Variants in LRRC49 observed in about 807,000 individuals in gnomAD.
LRRC49 encodes leucine rich repeat containing 49.
In LRRC49, 50 loss-of-function variants were observed where a neutral mutation model predicts 83.3. The ratio of observed to expected loss-of-function variants is 0.60; its 90% confidence interval spans 0.48 to 0.76. The LOEUF is 0.76. Ranked by LOEUF, LRRC49 falls within the 30% of genes least tolerant of loss-of-function variation. The pLI is 0.00. For synonymous variants in LRRC49, 286 were observed against 283.3 expected (o/e 1.01, Z -0.10); for missense variants, 704 against 809.1 (o/e 0.87, Z 1.58).
intron 8 of LRRC49, among the ~76,000 whole-genome samples, chr15:70,953,074 C>T (rs2036277268): frequency 6.6e-6 from 1 of 152,092 alleles, no homozygotes; most frequent in African/African-American, 2.4e-5. Flanking sequence ...GTTTGTGCTT[C>T]TTTATCTAAC....
At chr15:70,866,264 A>G (rs2032910076) in intron 1 of LRRC49, among the ~76,000 whole-genome samples, 1 of 152,036 alleles carries the variant, frequency 6.6e-6, no homozygotes, top group South Asian at 2.1e-4. Context: ...CTCCTGCCTC[A>G]GCCTCCTAAG....
chr15:70,976,984 C>G (rs1167576211), intron 9 of LRRC49, among the ~76,000 whole-genome samples: 2 of 152,006 alleles, frequency 1.3e-5, no homozygotes, highest in Middle Eastern at 6.3e-3. Flanking sequence ...CTTTTAAGCC[C>G]TACTGCCTTT....
In LRRC49 at chr15:70,988,726, T is replaced by C. The variant is rs1361273235; in HGVS notation, c.1169+4469T>C. ...CTCATTAGTTGATGCAGTTTCTTCC[T>C]AGTCTCGATGGCCTTTACAATTTGG... is the stretch of plus-strand genomic sequence containing the variant. On this transcript the variant is annotated intron_variant, in intron 11 of 15. Coordinates refer to ENST00000260382, the MANE Select transcript of LRRC49 (RefSeq NM_017691.5). 3.9e-5 allele frequency among the ~76,000 whole-genome samples: 6 copies of C among 152,346 alleles called. No homozygotes were observed. The East Asian group carries it at 9.6e-4, about 24-fold the overall frequency.
intron 7 of LRRC49, among the ~76,000 whole-genome samples, chr15:70,929,269 A>G (rs1053679146): frequency 1.3e-5 from 2 of 152,234 alleles, no homozygotes; most frequent in African/African-American, 4.8e-5. Flanking sequence ...AAGCAAATGT[A>G]GGAATAAATG....
At chr15:70,928,789 T>C (rs1386579445) in intron 7 of LRRC49, among the ~76,000 whole-genome samples, 1 of 152,154 alleles carries the variant, frequency 6.6e-6, no homozygotes, top group Non-Finnish European at 1.5e-5. Context: ...GGTCTCGAAC[T>C]CCTGATCTCA....
intron 3 of LRRC49, among the ~76,000 whole-genome samples, chr15:70,898,037 C>T (rs1008327696): frequency 2.0e-5 from 3 of 152,116 alleles, no homozygotes; most frequent in South Asian, 2.1e-4. Flanking sequence ...AAGACATGGC[C>T]GAGTGGACAC....
upstream of LRRC49, chr15:70,892,293 G>C (rs1280997837): frequency 1.9e-6 from 3 of 1,552,284 alleles, no homozygotes; most frequent in Non-Finnish European, 2.6e-6. Flanking sequence ...TTCGGTGCGC[G>C]GGAGCCGGGT....
At chr15:70,981,956 A>G (rs1273173572) in intron 10 of LRRC49, among the ~76,000 whole-genome samples, 2 of 137,132 alleles carry the variant, frequency 1.5e-5, no homozygotes, top group Non-Finnish European at 1.5e-5. Context: ...CTGGCCAGCC[A>G]TTAATCCCCA....
chr15:70,932,885 G>A (rs555867585), intron 7 of LRRC49, among the ~76,000 whole-genome samples: 3 of 151,810 alleles, frequency 2.0e-5, no homozygotes, highest in Non-Finnish European at 2.9e-5. Context: ...ACACGCCTCC[G>A]TGCCTGGCTA....
intron 2 of LRRC49, among the ~76,000 whole-genome samples, chr15:70,886,895 C>G (rs2033424029): frequency 6.6e-6 from 1 of 151,788 alleles, no homozygotes; most frequent in Admixed American, 6.6e-5. Flanking sequence ...GATAAACCAT[C>G]TGGTGAAGCT....
At chr15:70,894,438 T>G in intron 2 of LRRC49, 1 of 339,298 alleles carries the variant, frequency 2.9e-6, no homozygotes. Context: ...GAAGTTACGA[T>G]ATGAATATGA....
chr15:70,932,726 C>CTTTTTTTT (rs5813614), intron 7 of LRRC49, among the ~76,000 whole-genome samples: 4 of 97,202 alleles, frequency 4.1e-5, no homozygotes, highest in Non-Finnish European at 4.1e-5. Flanking sequence ...CTTTCTCTGT[C>CTTTTTTTT]TTTTTTTTTT....
At chr15:70,916,247 G>A (rs1450818101) in intron 6 of LRRC49, among the ~76,000 whole-genome samples, 2 of 152,054 alleles carry the variant, frequency 1.3e-5, no homozygotes, top group African/African-American at 4.8e-5. Flanking sequence ...CCTCTCCTTA[G>A]TGTGCAGCTC....
chr15:71,037,340 T>C lies in LRRC49; in HGVS notation c.1857+8T>C. On this transcript the variant is annotated splice_region_variant and intron_variant, in intron 15 of 15. Coordinates refer to ENST00000260382, the MANE Select transcript of LRRC49 (RefSeq NM_017691.5). ...TATAATGAAAAGCTAGAGGTAAAACTACTGTTAATCTTTGCGATCTAATGC... is the reference window on the plus strand; with the variant it reads ...TATAATGAAAAGCTAGAGGTAAAACCACTGTTAATCTTTGCGATCTAATGC... 1 of 1,589,416 alleles carries C rather than the reference T, an allele frequency of 6.3e-7. No individual in the cohort carries two copies. The highest frequency in any genetic ancestry group is 8.6e-7 in the Non-Finnish European group (1 of 1,169,420).
chr15:70,863,983 C>A (rs1166305563), intron 1 of LRRC49, among the ~76,000 whole-genome samples: 1 of 152,120 alleles, frequency 6.6e-6, no homozygotes, highest in Non-Finnish European at 1.5e-5. Context: ...GACTTTGGTG[C>A]CTGGTGGACA....
At chr15:70,961,611 A>G (rs1222170459) in intron 8 of LRRC49, among the ~76,000 whole-genome samples, 1 of 152,206 alleles carries the variant, frequency 6.6e-6, no homozygotes, top group Non-Finnish European at 1.5e-5. Context: ...CATGGATGAA[A>G]CAAATGCATA....
At position 70,981,891 on chromosome 15, in the gene LRRC49, CTTTTTTTT is replaced by C. The variant is rs11339326; in HGVS notation, c.1005+1720_1005+1727del. ...TTCTCTAACCTTTCTTTTGCTTCTTCTTTTTTTTTTTTTTTTTTTTCCTCCACAGATGC... is the reference window on the plus strand; with the variant it reads ...TTCTCTAACCTTTCTTTTGCTTCTTCTTTTTTTTTTTTCCTCCACAGATGC... On this transcript the variant is annotated intron_variant, in intron 10 of 15. Transcript: ENST00000260382. 6.1e-3 allele frequency among the ~76,000 whole-genome samples: 681 copies of C among 112,080 alleles called. 6 individuals carry two copies. Among genetic ancestry groups the C allele is most frequent in the African/African-American group, 0.021 (662 of 30,958 alleles). The allele number at this position is 112,080 out of a possible 152,430, so 73.5% of individuals were successfully genotyped here. A position where few individuals can be genotyped will look rare whatever the true frequency, so the allele number is the denominator to read the frequency against.
At chr15:71,031,392 C>T (rs1430034814) in intron 14 of LRRC49, among the ~76,000 whole-genome samples, 4 of 152,214 alleles carry the variant, frequency 2.6e-5, no homozygotes, top group Non-Finnish European at 5.9e-5. Context: ...GGGCATTGGC[C>T]TGATGCCAGC....
Position 70,994,999 on chromosome 15 carries a change from G to A in LRRC49, c.1169+10742G>A, listed in dbSNP as rs1416302386. The stretch of plus-strand genomic sequence containing the variant: ...GGAACTAAATGAGGTTAGAGACCAT[G>A]AAATTATAGCAACTTTAGCCTGAAT... On this transcript the variant is annotated intron_variant, in intron 11 of 15. Coordinates refer to ENST00000260382, the MANE Select transcript of LRRC49 (RefSeq NM_017691.5). 5.3e-5 allele frequency among the ~76,000 whole-genome samples: 8 copies of A among 152,210 alleles called. No individual in the cohort carries two copies. In the East Asian group the frequency reaches 1.5e-3, roughly 29 times the overall value.
Sources: allele counts gnomAD v4.1 joint callset (sites outside exome capture counted in the v4.1 genomes callset), GRCh38; gene constraint gnomAD v4.1.1; transcripts MANE v1.5; gene names NCBI Gene and HGNC (gene_info 2026-07-23, HGNC 2026-07-21).